Variants in GLIS3 observed in about 807,000 individuals in gnomAD.
GLIS3 encodes the protein zinc finger protein GLIS3.
GLIS3 carries 53 observed loss-of-function variants against 78.6 expected under a neutral mutation model. That is an observed-to-expected ratio of 0.67 (90% CI 0.54 to 0.85). The LOEUF (loss-of-function observed/expected upper bound fraction) is 0.85. GLIS3 is among the 40% of genes least tolerant of loss of function. The probability of loss-of-function intolerance (pLI) is 0.00; values close to 1 mark genes in which losing one functional copy is unlikely to be tolerated. For synonymous variants in GLIS3, 684 were observed against 509.9 expected (o/e 1.34, Z -4.60); for missense variants, 1,703 against 1,231.1 (o/e 1.38, Z -5.74).
At chr9:3,982,127 G>A (rs1349651838) in intron 4 of GLIS3, among the ~76,000 whole-genome samples, 2 of 151,936 alleles carry the variant, frequency 1.3e-5, no homozygotes, top group Admixed American at 6.6e-5. Context: ...CTAATGCATA[G>A]AACAGAAAAG....
intron 2 of GLIS3, among the ~76,000 whole-genome samples, chr9:4,319,581 A>G (rs190510707): frequency 4.8e-4 from 73 of 152,262 alleles, no homozygotes; most frequent in Admixed American, 7.2e-4. Flanking sequence ...CAAGGCTGGA[A>G]TGCAGTGGCA....
intron 4 of GLIS3, among the ~76,000 whole-genome samples, chr9:4,106,815 T>C (rs1830789083): frequency 6.6e-6 from 1 of 152,140 alleles, no homozygotes; most frequent in Non-Finnish European, 1.5e-5. Context: ...AATGAGCAGA[T>C]CTCCCTTAAG....
chr9:3,841,103 A>G (rs1473173126), intron 9 of GLIS3, among the ~76,000 whole-genome samples: 1 of 152,028 alleles, frequency 6.6e-6, no homozygotes, highest in Middle Eastern at 3.2e-3. Flanking sequence ...TGCTTAAAGC[A>G]CTCTTGATTA....
the GLIS3 span, among the ~76,000 whole-genome samples, chr9:4,400,834 A>G: frequency 6.6e-6 from 1 of 152,178 alleles, no homozygotes; most frequent in Non-Finnish European, 1.5e-5. Context: ...TATCTACTGC[A>G]TTGAAGGGAA....
At chr9:4,183,426 T>C (rs1817503046) in intron 2 of GLIS3, among the ~76,000 whole-genome samples, 1 of 152,214 alleles carries the variant, frequency 6.6e-6, no homozygotes, top group Admixed American at 6.5e-5. Flanking sequence ...CATGCCTTTT[T>C]CATTAATTCA....
chr9:4,182,166 T>C (rs773672079), intron 2 of GLIS3, among the ~76,000 whole-genome samples: 2 of 152,212 alleles, frequency 1.3e-5, no homozygotes, highest in South Asian at 4.1e-4. Flanking sequence ...GTTAACGTTA[T>C]TGTTCATTTT....
At chr9:4,158,126 T>A (rs959755184) in intron 2 of GLIS3, among the ~76,000 whole-genome samples, 1 of 152,194 alleles carries the variant, frequency 6.6e-6, no homozygotes, top group Non-Finnish European at 1.5e-5. Context: ...AAAAAATCTT[T>A]TTTTTCCTTT....
intron 1 of GLIS3, among the ~76,000 whole-genome samples, chr9:4,290,123 C>A (rs1828325828): frequency 1.3e-5 from 2 of 152,018 alleles, no homozygotes; most frequent in Admixed American, 1.3e-4. Flanking sequence ...AGCTAAAGGC[C>A]CTTTCTTAGT....
the GLIS3 span, among the ~76,000 whole-genome samples, chr9:4,424,993 G>A: frequency 6.6e-6 from 1 of 152,106 alleles, no homozygotes; most frequent in African/African-American, 2.4e-5. Flanking sequence ...GTCCTTAAAA[G>A]GAAGGGAGCT....
intron 2 of GLIS3, among the ~76,000 whole-genome samples, chr9:4,173,060 C>T (rs1335311738): frequency 6.6e-6 from 1 of 152,114 alleles, no homozygotes; most frequent in Non-Finnish European, 1.5e-5. Flanking sequence ...CAGCTGTGGG[C>T]CACATTCCAC....
the GLIS3 span, among the ~76,000 whole-genome samples, chr9:4,472,757 T>C: frequency 6.6e-6 from 1 of 151,978 alleles, no homozygotes; most frequent in Non-Finnish European, 1.5e-5. Context: ...AAAGCATAAT[T>C]TAAAAAAGAA....
At chr9:4,032,990 A>G (rs1293529259) in intron 4 of GLIS3, among the ~76,000 whole-genome samples, 1 of 152,016 alleles carries the variant, frequency 6.6e-6, no homozygotes, top group Non-Finnish European at 1.5e-5. Flanking sequence ...AGTAGCTGGG[A>G]CTACAGGCGC....
rs557914381 is a variant in GLIS3, at chr9:3,856,272, A to C, written c.2298-88T>G. 34 of 1,170,684 alleles carry C rather than the reference A, an allele frequency of 2.9e-5. 2 individuals are homozygous for C. The South Asian group carries it at 4.3e-4, about 15-fold the overall frequency. The allele number at this position is 1,170,684 out of a possible 1,614,324, so 72.5% of individuals were successfully genotyped here. A position where few individuals can be genotyped will look rare whatever the true frequency, so the allele number is the denominator to read the frequency against. On this transcript the variant is annotated intron_variant, in intron 8 of 10. Coordinates refer to ENST00000381971, the MANE Select transcript of GLIS3 (RefSeq NM_001042413.2). ...CTCCAAAGCCAAATTCTCACCTCCC[A>C]TTCTGGCTATACAAGAGCGTGACAA...
At chr9:4,435,868 A>G in the GLIS3 span, among the ~76,000 whole-genome samples, 42 of 152,218 alleles carry the variant, frequency 2.8e-4, no homozygotes, top group Admixed American at 4.6e-4. Flanking sequence ...AGAATGGCAT[A>G]AACTCGGGAG....
chr9:4,264,467 C>G (rs1370528552), intron 2 of GLIS3, among the ~76,000 whole-genome samples: 1 of 152,200 alleles, frequency 6.6e-6, no homozygotes, highest in African/African-American at 2.4e-5. Context: ...CATGTTAATT[C>G]TTTACTTAAA....
chr9:4,265,029 G>T (rs565297843), intron 2 of GLIS3, among the ~76,000 whole-genome samples: 2 of 150,482 alleles, frequency 1.3e-5, no homozygotes, highest in East Asian at 3.9e-4. Flanking sequence ...AAAATTAGCC[G>T]GGTGTGGTGG....
At chr9:4,268,594 A>G (rs1422119538) in intron 2 of GLIS3, among the ~76,000 whole-genome samples, 1 of 152,208 alleles carries the variant, frequency 6.6e-6, no homozygotes, top group African/African-American at 2.4e-5. Flanking sequence ...GAGCAAGAAT[A>G]AAAGGTAGGA....
chr9:3,937,140 T>C lies in GLIS3; in HGVS notation c.1760A>G (p.His587Arg). The C allele has an allele frequency of 6.2e-7, 1 of 1,614,086 alleles. No homozygotes were observed. ...AFSRLENLKI[H>R]LRSHTGEKPY... ...CTTCTCGCCTGTGTGGCTCCGCAAG[T>C]GGATCTTGAGATTTTCAAGCCTTGA... Residue 587 changes from histidine (H) to arginine (R), a missense_variant, in exon 5 of 11, where the codon CAC (histidine) becomes CGC (arginine). Transcript: ENST00000381971.
intron 2 of GLIS3, among the ~76,000 whole-genome samples, chr9:4,225,244 T>C (rs1821671599): frequency 6.6e-6 from 1 of 152,202 alleles, no homozygotes; most frequent in Non-Finnish European, 1.5e-5. Flanking sequence ...GACTCTCATA[T>C]ACTTCGCTCT....
Sources: allele counts gnomAD v4.1 joint callset (sites outside exome capture counted in the v4.1 genomes callset), GRCh38; gene constraint gnomAD v4.1.1; transcripts MANE v1.5; gene names NCBI Gene and HGNC (gene_info 2026-07-23, HGNC 2026-07-21).